Variants in PARD3B observed in about 807,000 individuals in gnomAD.
PARD3B encodes par-3 family cell polarity regulator beta, also known as partitioning defective 3 homolog B.
In PARD3B, 103 loss-of-function variants were observed where a neutral mutation model predicts 130.2. The ratio of observed to expected loss-of-function variants is 0.79; its 90% confidence interval spans 0.67 to 0.93. The LOEUF is 0.93. Among genes scored for constraint, PARD3B ranks in the 40% least tolerant of loss-of-function variants. The pLI is 0.00. For missense variants in PARD3B, 1,609 were observed against 1,499.2 expected (o/e 1.07, Z -1.21); for synonymous variants, 583 against 553.2 (o/e 1.05, Z -0.76).
chr2:205,477,013 T>C (rs1169914903), intron 20 of PARD3B, among the ~76,000 whole-genome samples: 1 of 152,232 alleles, frequency 6.6e-6, no homozygotes, highest in Non-Finnish European at 1.5e-5. Context: ...AGATTCCAAA[T>C]TGATTCTATG....
At chr2:205,257,125 A>C (rs189572836) in intron 16 of PARD3B, among the ~76,000 whole-genome samples, 1 of 152,268 alleles carries the variant, frequency 6.6e-6, no homozygotes, top group Admixed American at 6.5e-5. Flanking sequence ...GGGTTAATGA[A>C]GAATGTGTGA....
In PARD3B at chr2:205,242,822, C is replaced by T. The variant is rs114618539; in HGVS notation, c.2141-2956C>T. Among the ~76,000 whole-genome samples, 1,110 of 152,148 alleles carry T rather than the reference C, an allele frequency of 7.3e-3. 17 individuals carry two copies. The highest frequency in any genetic ancestry group is 0.025 in the African/African-American group (1,042 of 41,484). ...CATTTTTTTTCATTTAGTTCCAACT[C>T]TCTGTGTACTGTTTTTTCCCCCATT... On this transcript the variant is annotated intron_variant, in intron 15 of 22. Transcript: ENST00000406610.
At chr2:205,467,952 T>C (rs2048689412) in intron 20 of PARD3B, among the ~76,000 whole-genome samples, 1 of 152,234 alleles carries the variant, frequency 6.6e-6, no homozygotes, top group African/African-American at 2.4e-5. Flanking sequence ...CAGACACATT[T>C]GTCAGCCCTA....
At chr2:205,108,450 C>G (rs1439434782) in intron 5 of PARD3B, among the ~76,000 whole-genome samples, 1 of 152,066 alleles carries the variant, frequency 6.6e-6, no homozygotes, top group Non-Finnish European at 1.5e-5. Context: ...CAGCACCTTT[C>G]TTTGTTTCCC....
chr2:205,086,784 A>G (rs1701767244), intron 4 of PARD3B, among the ~76,000 whole-genome samples: 1 of 152,148 alleles, frequency 6.6e-6, no homozygotes, highest in South Asian at 2.1e-4. Flanking sequence ...CTGTCAATTC[A>G]CCACTGGATG....
At position 205,172,410 on chromosome 2, in the gene PARD3B, A is replaced by G. The variant is rs939014548; in HGVS notation, c.1791+29A>G. On this transcript the variant is annotated intron_variant, in intron 12 of 22. Coordinates refer to ENST00000406610, the MANE Select transcript of PARD3B (RefSeq NM_001302769.2). ...ATGCAAATCTTGATTCTCCTCAGCC[A>G]GTTGCCCAAATTGCCACCAGAATAT... 15 of 1,598,952 alleles carry G rather than the reference A, an allele frequency of 9.4e-6. No individual in the cohort carries two copies. The African/African-American group carries it at 1.6e-4, about 17-fold the overall frequency.
chr2:205,567,574 G>A (rs1197489343), intron 22 of PARD3B, among the ~76,000 whole-genome samples: 2 of 148,160 alleles, frequency 1.3e-5, no homozygotes, highest in Non-Finnish European at 3.0e-5. Flanking sequence ...CACCCGCCTC[G>A]GCCTCCCAAA....
At chr2:204,973,933 AC>A (rs1358776425) in intron 3 of PARD3B, among the ~76,000 whole-genome samples, 1 of 152,142 alleles carries the variant, frequency 6.6e-6, no homozygotes, top group East Asian at 1.9e-4. Flanking sequence ...TTAAATGTTT[AC>A]CAGATAAAAG....
At chr2:205,255,320 GT>G (rs771252333) in intron 16 of PARD3B, among the ~76,000 whole-genome samples, 1 of 152,038 alleles carries the variant, frequency 6.6e-6, no homozygotes, top group South Asian at 2.1e-4. Context: ...GAGAAAAACA[GT>G]TTTTTTCTAT....
intron 9 of PARD3B, among the ~76,000 whole-genome samples, chr2:205,124,904 T>G (rs369965728): frequency 6.6e-6 from 1 of 152,332 alleles, no homozygotes; most frequent in African/African-American, 2.4e-5. Context: ...TGTGCTAGGA[T>G]AGCAATGAAA....
intron 22 of PARD3B, among the ~76,000 whole-genome samples, chr2:205,598,945 T>C (rs1337612422): frequency 6.6e-6 from 1 of 152,178 alleles, no homozygotes; most frequent in Admixed American, 6.5e-5. Context: ...GATACCAGAA[T>C]CTTTGAGATA....
chr2:204,920,813 C>G (rs1451451395), intron 2 of PARD3B, among the ~76,000 whole-genome samples: 2 of 152,176 alleles, frequency 1.3e-5, no homozygotes, highest in Non-Finnish European at 2.9e-5. Context: ...TTTCTTCCCC[C>G]TTTTGCCTTC....
At chr2:205,587,393 A>C (rs2054236244) in intron 22 of PARD3B, among the ~76,000 whole-genome samples, 1 of 152,234 alleles carries the variant, frequency 6.6e-6, no homozygotes, top group African/African-American at 2.4e-5. Context: ...CAGCAGTAGA[A>C]TATATCAGAT....
intron 19 of PARD3B, among the ~76,000 whole-genome samples, chr2:205,409,477 C>T (rs2046524194): frequency 6.6e-6 from 1 of 152,136 alleles, no homozygotes; most frequent in Admixed American, 6.5e-5. Flanking sequence ...TGCTTGCGGT[C>T]ACCAACAAAA....
intron 20 of PARD3B, among the ~76,000 whole-genome samples, chr2:205,442,366 G>A (rs546298896): frequency 3.6e-5 from 5 of 137,694 alleles, no homozygotes; most frequent in African/African-American, 5.7e-5. Context: ...TGGTACGATC[G>A]CGGCTAACCG....
intron 3 of PARD3B, among the ~76,000 whole-genome samples, chr2:205,004,423 CTA>C (rs1459551985): frequency 6.6e-6 from 1 of 152,080 alleles, no homozygotes; most frequent in Admixed American, 6.6e-5. Flanking sequence ...TAAATGAAAT[CTA>C]TATTTTATCA....
At position 204,678,313 on chromosome 2, in the gene PARD3B, A is replaced by G. The variant is rs2036651607; in HGVS notation, c.121-7868A>G. Among the ~76,000 whole-genome samples the G allele has an allele frequency of 1.3e-5, 2 of 152,152 alleles. No individual in the cohort carries two copies. Reference sequence around the variant, plus strand: ...GGAGCCCCAGAGGTTGTGTATTACAAACAATGCCCTTTTGGTTGTTGCCTT... The same window carrying G: ...GGAGCCCCAGAGGTTGTGTATTACAGACAATGCCCTTTTGGTTGTTGCCTT... On this transcript the variant is annotated intron_variant, in intron 1 of 22. Coordinates refer to ENST00000406610, the MANE Select transcript of PARD3B (RefSeq NM_001302769.2). The surrounding 1 kb of genome is among the most constrained non-coding windows in gnomAD (Gnocchi z 4.2).
At chr2:205,218,012 C>A in intron 15 of PARD3B, among the ~76,000 whole-genome samples, 1 of 150,418 alleles carries the variant, frequency 6.6e-6, no homozygotes. Context: ...TCTGCCTCAA[C>A]CTCCTGAGTA....
intron 20 of PARD3B, among the ~76,000 whole-genome samples, chr2:205,456,111 G>T (rs1363537450): frequency 6.6e-6 from 1 of 152,034 alleles, no homozygotes. Context: ...AGTTTTGTGG[G>T]TATCACTAGT....
Sources: allele counts gnomAD v4.1 joint callset (sites outside exome capture counted in the v4.1 genomes callset), GRCh38; gene constraint gnomAD v4.1.1; non-coding constraint Gnocchi (gnomAD v3.1); transcripts MANE v1.5; gene names NCBI Gene and HGNC (gene_info 2026-07-23, HGNC 2026-07-21).